The following VAC14 variants were observed in gnomAD, a reference collection of about 807,000 sequenced individuals.
VAC14 encodes the protein protein VAC14 homolog.
A neutral mutation model predicts 85.3 loss-of-function variants in VAC14; 47 were observed. The ratio of observed to expected loss-of-function variants is 0.55; its 90% CI spans 0.44 to 0.70. The LOEUF (loss-of-function observed/expected upper bound fraction) is 0.70. Among genes scored for constraint, VAC14 ranks in the 30% least tolerant of loss-of-function variants. The probability of loss-of-function intolerance (pLI) is 0.00; values close to 1 mark genes in which losing one functional copy is unlikely to be tolerated. For missense variants in VAC14, 861 were observed against 1,004.3 expected (o/e 0.86, Z 1.93); for synonymous variants, 447 against 430.5 (o/e 1.04, Z -0.47).
In VAC14 at chr16:70,781,147, G is replaced by A. The variant is rs1285788397; in HGVS notation, c.947-208C>T. ...TTGCTCTATTATTATTCATGAGGGG[G>A]CTCGTTCTTTCAAAAAGCCTCCCAC... On this transcript the variant is annotated intron_variant, in intron 8 of 18. Transcript: ENST00000261776. Among the ~76,000 whole-genome samples the A allele has an allele frequency of 3.9e-5, 6 of 151,960 alleles. 1 individual carries two copies. Among genetic ancestry groups the A allele is most frequent in the African/African-American group, 1.5e-4 (6 of 41,298 alleles).
intron 14 of VAC14, 60 bp from the exon 15 acceptor site, chr16:70,698,871 G>A: frequency 6.3e-7 from 1 of 1,574,934 alleles, no homozygotes. Flanking sequence ...CTGTGTCTCA[G>A]CCTGGGAGGC....
intron 13 of VAC14, among the ~76,000 whole-genome samples, chr16:70,735,202 C>A (rs2054712611): frequency 6.6e-6 from 1 of 152,192 alleles, no homozygotes; most frequent in South Asian, 2.1e-4. Flanking sequence ...ACAGAGGCAT[C>A]TGGGACCATC....
chr16:70,696,861 G>A (rs1432830362), intron 16 of VAC14: 5 of 373,954 alleles, frequency 1.3e-5, no homozygotes, highest in African/African-American at 6.2e-5. Context: ...GCTGGCACCT[G>A]CCGGGCTGGG....
At chr16:70,710,260 C>G (rs2054002965) in intron 14 of VAC14, among the ~76,000 whole-genome samples, 1 of 152,234 alleles carries the variant, frequency 6.6e-6, no homozygotes, top group African/African-American at 2.4e-5. Flanking sequence ...ACACAGACCT[C>G]CCTTCCCTGG....
intron 18 of VAC14, chr16:70,691,970 A>C (rs1380133818): frequency 1.0e-6 from 1 of 984,918 alleles, no homozygotes; most frequent in Non-Finnish European, 1.2e-6. Flanking sequence ...AATTCTAGAC[A>C]CACAGGGCAT....
intron 14 of VAC14, chr16:70,715,662 G>A (rs943763764): frequency 6.6e-6 from 1 of 152,212 alleles, no homozygotes; most frequent in African/African-American, 2.4e-5. Flanking sequence ...GGCTATAACC[G>A]GGCTCCTTAT....
chr16:70,747,930 G>A (rs1019165845), intron 12 of VAC14: 6 of 152,090 alleles, frequency 3.9e-5, no homozygotes, highest in Non-Finnish European at 5.9e-5. Context: ...AAAAGCCACC[G>A]AGAGGCCTGG....
intron 1 of VAC14, among the ~76,000 whole-genome samples, chr16:70,798,602 G>T (rs769508372): frequency 5.9e-5 from 9 of 152,218 alleles, no homozygotes; most frequent in Non-Finnish European, 1.2e-4. Context: ...TTCTAAGCAT[G>T]ACTGGAGAAG....
intron 13 of VAC14, among the ~76,000 whole-genome samples, 173 bp downstream of exon 13, chr16:70,744,250 G>T (rs1281952331): frequency 1.3e-5 from 2 of 152,218 alleles, no homozygotes; most frequent in Non-Finnish European, 2.9e-5. Context: ...AGGGCTGCCT[G>T]CCTCTGGGCG....
chr16:70,791,483 C>G (rs1338222203), intron 1 of VAC14, among the ~76,000 whole-genome samples: 1 of 152,132 alleles, frequency 6.6e-6, no homozygotes, highest in Non-Finnish European at 1.5e-5. Context: ...CTCTCAGGTT[C>G]AAGCGATCCT....
At chr16:70,727,381 G>A (rs546968095) in intron 14 of VAC14, among the ~76,000 whole-genome samples, 6 of 152,028 alleles carry the variant, frequency 3.9e-5, no homozygotes, top group South Asian at 2.1e-4. Context: ...GCTCTGTCGC[G>A]CAGGCTGGAG....
intron 9 of VAC14, chr16:70,772,780 T>C (rs2033309585): frequency 6.6e-6 from 1 of 152,306 alleles, no homozygotes; most frequent in African/African-American, 2.4e-5. Context: ...ATATCAATCA[T>C]GTTCACATCA....
chr16:70,767,971 A>G (rs973774314), intron 10 of VAC14, among the ~76,000 whole-genome samples: 2 of 152,104 alleles, frequency 1.3e-5, no homozygotes, highest in Admixed American at 1.3e-4. Context: ...TGCACCCTCA[A>G]GCTCCGGGGC....
chr16:70,752,041 A>G (rs2031432213), intron 12 of VAC14, among the ~76,000 whole-genome samples: 1 of 152,224 alleles, frequency 6.6e-6, no homozygotes, highest in Non-Finnish European at 1.5e-5. Context: ...AACTGCCTTG[A>G]TAGAAAACGT....
In VAC14 at chr16:70,783,227, GCCA is replaced by G. The variant is rs946712272; in HGVS notation, c.705-91_705-89del. 2.5e-4 allele frequency: 346 copies of G among 1,398,892 alleles called. 1 individual carries two copies. Among genetic ancestry groups the G allele is most frequent in the Non-Finnish European group, 3.2e-4 (320 of 1,009,434 alleles). The allele number at this position is 1,398,892 out of a possible 1,614,324, so 86.7% of individuals were successfully genotyped here. Reference sequence around the variant, plus strand: ...CCAGCCCCATTTCCGTGCTGGGTCAGCCACCCAGAGGGCGGCTTGGCTTTTGGA... The same window carrying G: ...CCAGCCCCATTTCCGTGCTGGGTCAGCCCAGAGGGCGGCTTGGCTTTTGGA... On this transcript the variant is annotated intron_variant, in intron 6 of 18. Coordinates refer to ENST00000261776, the MANE Select transcript of VAC14 (RefSeq NM_018052.5).
intron 13 of VAC14, among the ~76,000 whole-genome samples, chr16:70,742,888 T>A (rs1251468580): frequency 1.3e-5 from 2 of 152,250 alleles, no homozygotes; most frequent in Non-Finnish European, 2.9e-5. Context: ...CTCGGTCTAG[T>A]GGGGACTTGG....
At chr16:70,794,072 G>A (rs1400868000) in intron 1 of VAC14, among the ~76,000 whole-genome samples, 2 of 152,120 alleles carry the variant, frequency 1.3e-5, no homozygotes, top group African/African-American at 4.8e-5. Flanking sequence ...GGTGACAGTA[G>A]TTGTGACTAC....
intron 18 of VAC14, chr16:70,689,627 C>G: frequency 4.1e-6 from 4 of 985,660 alleles, no homozygotes; most frequent in Non-Finnish European, 4.8e-6. Flanking sequence ...GATGCACCAC[C>G]AGAAAACATC....
At chr16:70,763,080 C>G (rs2032535348) in intron 10 of VAC14, 55 bp from the exon 11 acceptor site, 4 of 1,608,152 alleles carry the variant, frequency 2.5e-6, no homozygotes, top group Non-Finnish European at 3.4e-6. Flanking sequence ...AGCCCTCTCC[C>G]ATGGAGTCAT....
Sources: allele counts gnomAD v4.1 joint callset (sites outside exome capture counted in the v4.1 genomes callset), GRCh38; gene constraint gnomAD v4.1.1; transcripts MANE v1.5; gene names NCBI Gene and HGNC (gene_info 2026-07-23, HGNC 2026-07-21).